Variants in CDH16 observed in about 807,000 individuals in gnomAD.
CDH16 encodes cadherin 16.
In CDH16, 79 loss-of-function variants were observed where a neutral mutation model predicts 87.6. The observed-to-expected ratio is 0.90, with a 90% CI of 0.75 to 1.09. The LOEUF (loss-of-function observed/expected upper bound fraction) is 1.09, where lower values mean the gene tolerates loss of function less well. Among genes scored for constraint, CDH16 ranks in the 50% least tolerant of loss-of-function variants. The pLI is 0.00. For missense variants in CDH16, 1,124 were observed against 1,071.7 expected, an observed-to-expected ratio of 1.05 and a Z score of -0.68; for synonymous variants, 457 against 439.5, an observed-to-expected ratio of 1.04 and a Z score of -0.50.
chr16:66,913,366 G>A, intron 8 of CDH16, 85 bp from the exon 9 acceptor site: 1 of 1,559,302 alleles, frequency 6.4e-7, no homozygotes, highest in South Asian at 1.2e-5. Flanking sequence ...CGGTGGGCCA[G>A]CTCCAGCTCT....
Position 66,912,157 on chromosome 16 carries a change from C to T in CDH16, c.1549-17G>A. On this transcript the variant is annotated splice_polypyrimidine_tract_variant and intron_variant, in intron 12 of 17. Coordinates refer to ENST00000299752, the MANE Select transcript of CDH16 (RefSeq NM_004062.4). Reference sequence around the variant, plus strand: ...ACTGAGGTTCTGGAACCAGGAGGCCCAGGTCACTGTGCGGGCCTGGGCAAG... The same window carrying T: ...ACTGAGGTTCTGGAACCAGGAGGCCTAGGTCACTGTGCGGGCCTGGGCAAG... 6.2e-7 allele frequency: 1 copy of T among 1,609,618 alleles called. No homozygotes were observed. The highest frequency in any genetic ancestry group is 8.5e-7 in the Non-Finnish European group (1 of 1,176,676).
Position 66,910,258 on chromosome 16 carries a change from A to T in CDH16, c.2167+2T>A. 1.3e-6 allele frequency: 2 copies of T among 1,588,318 alleles called. No homozygotes were observed. The highest frequency in any genetic ancestry group is 1.7e-6 in the Non-Finnish European group (2 of 1,165,698). On this transcript the variant is annotated splice_donor_variant, in intron 15 of 17. Transcript: ENST00000299752. LOFTEE classifies it high-confidence loss of function. Reference sequence around the variant, plus strand: ...GCCTCCCTCCCTTTCCCCACCACACACCATTGAGAGTCTGGAGGCGCCAAT... The same window carrying T: ...GCCTCCCTCCCTTTCCCCACCACACTCCATTGAGAGTCTGGAGGCGCCAAT...
chr16:66,914,077 C>T, intron 7 of CDH16, 139 bp downstream of exon 7: 1 of 719,246 alleles, frequency 1.4e-6, no homozygotes, highest in Non-Finnish European at 2.3e-6. Context: ...CCCCAGTCCA[C>T]AGTGGGAAGT....
intron 14 of CDH16, chr16:66,910,979 G>A: frequency 9.2e-6 from 5 of 540,792 alleles, no homozygotes; most frequent in Middle Eastern, 4.9e-4. Flanking sequence ...AATGATCAGA[G>A]AGGGGAGGCA....
intron 7 of CDH16, 39 bp from the exon 8 acceptor site, chr16:66,913,652 C>A: frequency 6.2e-7 from 1 of 1,607,332 alleles, no homozygotes; most frequent in Non-Finnish European, 8.5e-7. Context: ...AGGAACAATC[C>A]ATGTCAGCCT....
chr16:66,913,378 C>T (rs1269425150), intron 8 of CDH16, 97 bp from the exon 9 acceptor site: 21 of 1,565,766 alleles, frequency 1.3e-5, no homozygotes, highest in South Asian at 7.3e-5. Context: ...TCCAGCTCTT[C>T]GGGGCTCTTT....
Position 66,912,735 on chromosome 16 carries a change from A to T in CDH16, c.1211T>A (p.Val404Glu), listed in dbSNP as rs1369801023. The T allele has an allele frequency of 6.2e-7, 1 of 1,613,378 alleles. No homozygotes were observed. The highest frequency in any genetic ancestry group is 8.5e-7 in the Non-Finnish European group (1 of 1,179,940). Reference protein sequence around the residue: ...DPTSGSVTLGVLPLRAGQNIL... With the variant: ...DPTSGSVTLGELPLRAGQNIL... ...GTTCTGGCCTGCTCGGAGTGGGAGC[A>T]CCCCCAGCGTCACACTGCCTGAAGT... Residue 404 changes from valine (V) to glutamate (E), a missense_variant, in exon 10 of 18, where the codon GTG (valine) becomes GAG (glutamate). Coordinates refer to ENST00000299752, the MANE Select transcript of CDH16 (RefSeq NM_004062.4).
In CDH16 at chr16:66,916,029, T is replaced by C. The variant is rs1962664237; in HGVS notation, c.424+36A>G. On this transcript the variant is annotated intron_variant, in intron 5 of 17. Coordinates refer to ENST00000299752, the MANE Select transcript of CDH16 (RefSeq NM_004062.4). The surrounding 1 kb of genome is among the most constrained non-coding windows in gnomAD (Gnocchi z 4.1). ...CTCTGCTGTTCCATCAAGGCCCACC[T>C]GACCTTACTGTAAATTGGCTGCCCT... The C allele has an allele frequency of 6.2e-7, 1 of 1,613,422 alleles. No individual in the cohort carries two copies.
At chr16:66,913,086 A>C (rs755754514) in intron 9 of CDH16, 45 bp downstream of exon 9, 2 of 1,570,164 alleles carry the variant, frequency 1.3e-6, no homozygotes, top group South Asian at 2.4e-5. Context: ...GAGCAAGACC[A>C]GGTGGTTAAT....
intron 5 of CDH16, 83 bp from the exon 6 acceptor site, chr16:66,915,461 C>A: frequency 7.0e-7 from 1 of 1,435,878 alleles, no homozygotes; most frequent in South Asian, 1.3e-5. Context: ...CTCCTCTGTC[C>A]TTTCTTCCCT....
At chr16:66,915,176 C>G (rs774330857) in intron 6 of CDH16, 44 bp downstream of exon 6, 3 of 1,540,896 alleles carry the variant, frequency 1.9e-6, no homozygotes, top group East Asian at 2.3e-5. Flanking sequence ...CCTTCTCCAG[C>G]TTTCTCTGAC....
intron 2 of CDH16, 37 bp from the exon 3 acceptor site, chr16:66,917,762 C>A (rs371394038): frequency 6.5e-7 from 1 of 1,546,914 alleles, no homozygotes; most frequent in African/African-American, 1.4e-5. Context: ...CAGGCTCTAT[C>A]TTCCTGCGTG....
At chr16:66,911,648 G>A (rs539760581) in intron 13 of CDH16, among the ~76,000 whole-genome samples, 2 of 152,308 alleles carry the variant, frequency 1.3e-5, no homozygotes, top group East Asian at 3.9e-4. Flanking sequence ...GGGGGCATTG[G>A]AGGAGGGCCT....
chr16:66,910,453 C>T lies in CDH16; in HGVS notation c.1974G>A (p.Lys658=), dbSNP rs1962360651. 1.9e-6 allele frequency: 3 copies of T among 1,572,226 alleles called. No homozygotes were observed. The highest frequency in any genetic ancestry group is 2.6e-6 in the Non-Finnish European group (3 of 1,155,360). Residue 658 remains lysine (K), a synonymous_variant, in exon 15 of 18, where the codon AAG becomes AAA. Transcript: ENST00000299752. The part of the protein sequence containing the change: ...ASAPLVIHFL[K]APPAPALTLA... ...GAGTCAGGGCTGGGGCAGGAGGGGC[C>T]TTTAGGAAGTGGATCACCAGGGGTG...
rs571710939 is a variant in CDH16, at chr16:66,912,787, C to T, written c.1159G>A (p.Glu387Lys). 1 of 1,613,728 alleles carries T rather than the reference C, an allele frequency of 6.2e-7. No homozygotes were observed. Among genetic ancestry groups the T allele is most frequent in the East Asian group, 2.2e-5 (1 of 44,866 alleles). ...LLSPEPEDGV[E>K]GRAFQVDPTS... ...GGGTCCACCTGGAAGGCTCTCCCCT[C>T]TACCCCATCCTCAGGCTCAGGGCTC... Residue 387 changes from glutamate (E) to lysine (K), a missense_variant, in exon 10 of 18, where the codon GAG (glutamate) becomes AAG (lysine). Physicochemically the swap from Glu to Lys is moderately conservative, Grantham distance 56. Transcript: ENST00000299752.
chr16:66,915,406 A>G, intron 5 of CDH16, 28 bp from the exon 6 acceptor site: 1 of 1,610,702 alleles, frequency 6.2e-7, no homozygotes, highest in Non-Finnish European at 8.5e-7. Flanking sequence ...GGCAAACTGT[A>G]AGGGATAGAG....
Position 66,914,411 on chromosome 16 carries a change from C to T in CDH16, c.585G>A (p.Gly195=). ...RLGALALSPK[G]STSLDHALER... The stretch of plus-strand genomic sequence containing the variant: ...CCAGGGCGTGGTCAAGGCTGGTGCT[C>T]CCTAGAACAGGGAGGATGGTCAGCT... Residue 195 remains glycine (G), a splice_region_variant and synonymous_variant, in exon 7 of 18, where the codon GGG becomes GGA. Coordinates refer to ENST00000299752, the MANE Select transcript of CDH16 (RefSeq NM_004062.4). 6.2e-7 allele frequency: 1 copy of T among 1,610,898 alleles called. No individual in the cohort carries two copies. The highest frequency in any genetic ancestry group is 1.1e-5 in the South Asian group (1 of 90,940).
At position 66,909,485 on chromosome 16, in the gene CDH16, A is replaced by G; in HGVS notation, c.2276-102T>C. ...CTGGCTGATATGTGTGTGTTTCTGC[A>G]CATGTGTGTATTCACATGTGTGTGA... On this transcript the variant is annotated intron_variant, in intron 16 of 17. Coordinates refer to ENST00000299752, the MANE Select transcript of CDH16 (RefSeq NM_004062.4). This position sits in a 1 kb window ranked among gnomAD's most constrained non-coding sequence, Gnocchi z 4.1. 2.7e-6 allele frequency: 2 copies of G among 748,892 alleles called. No individual in the cohort carries two copies. The highest frequency in any genetic ancestry group is 4.6e-6 in the Non-Finnish European group (2 of 438,624). The allele number at this position is 748,892 out of a possible 1,614,324, so 46.4% of individuals were successfully genotyped here.
In CDH16 at chr16:66,913,136, GGACTGAGCTCAGGGATGCT is replaced by G; in HGVS notation, c.1030_1048del (p.Ser344HisfsTer6). The G allele has an allele frequency of 6.2e-7, 1 of 1,607,740 alleles. No homozygotes were observed. Among genetic ancestry groups the G allele is most frequent in the Non-Finnish European group, 8.5e-7 (1 of 1,177,068 alleles). Reference sequence around the variant, plus strand: ...TCTCCCATCCTGTAGCTCACCTGGTGGACTGAGCTCAGGGATGCTGACTGTGGGGTCACGGGGAGGGCAG... The same window carrying G: ...TCTCCCATCCTGTAGCTCACCTGGTGGACTGTGGGGTCACGGGGAGGGCAG... On this transcript the variant is annotated frameshift_variant, in exon 9 of 18. Transcript: ENST00000299752. LOFTEE classifies it high-confidence loss of function.
Sources: allele counts gnomAD v4.1 joint callset (sites outside exome capture counted in the v4.1 genomes callset), GRCh38; gene constraint gnomAD v4.1.1; non-coding constraint Gnocchi (gnomAD v3.1); transcripts MANE v1.5; gene names NCBI Gene and HGNC (gene_info 2026-07-23, HGNC 2026-07-21).